The following TNC variants were observed in gnomAD, a reference collection of about 807,000 sequenced individuals.
TNC encodes tenascin.
TNC carries 109 observed loss-of-function variants against 202.4 expected under a neutral mutation model. The observed-to-expected ratio is 0.54, with a 90% CI of 0.46 to 0.63. The LOEUF (loss-of-function observed/expected upper bound fraction) is 0.63, where lower values mean the gene tolerates loss of function less well. Among genes scored for constraint, TNC ranks in the 30% least tolerant of loss-of-function variants. The pLI is 0.00. For missense variants in TNC, 2,756 were observed against 2,833.3 expected (o/e 0.97, Z 0.62); for synonymous variants, 1,007 against 1,089.7 (o/e 0.92, Z 1.50).
At chr9:115,105,087 C>T (rs1480509040) in intron 1 of TNC, among the ~76,000 whole-genome samples, 1 of 152,136 alleles carries the variant, frequency 6.6e-6, no homozygotes, top group Non-Finnish European at 1.5e-5. Context: ...CAGATGGAGC[C>T]ATTGACAATT....
Position 115,086,530 on chromosome 9 carries a change from C to A in TNC, c.1201G>T (p.Ala401Ser), listed in dbSNP as rs764428584. The A allele has an allele frequency of 6.2e-7, 1 of 1,613,976 alleles. No individual in the cohort carries two copies. Among genetic ancestry groups the A allele is most frequent in the Admixed American group, 1.7e-5 (1 of 60,018 alleles). ...RCECDDGFTGADCGELKCPNG... is the reference protein window; with the variant it reads ...RCECDDGFTGSDCGELKCPNG... ...GGACACTTGAGCTCCCCACAGTCAG[C>A]TCCAGTGAAACCATCATCACACTCA... Residue 401 changes from alanine (A) to serine (S), a missense_variant, in exon 3 of 28, where the codon GCT becomes TCT. Ala to Ser is a moderately conservative substitution (Grantham distance 99, BLOSUM62 1). This residue lies in a region of TNC where 2,559 missense variants were observed against 2,546.0 expected (regional missense o/e 1.01). Coordinates refer to ENST00000350763, the MANE Select transcript of TNC (RefSeq NM_002160.4).
At position 115,063,729 on chromosome 9, in the gene TNC, A is replaced by G. The variant is rs151015251; in HGVS notation, c.3760+67T>C. 2,031 of 1,519,444 alleles carry G rather than the reference A, an allele frequency of 1.3e-3. 9 individuals carry two copies. The highest frequency in any genetic ancestry group is 0.012 in the African/African-American group (878 of 72,916). 94.1% of individuals were successfully genotyped at this position (1,519,444 alleles called of 1,614,324 possible). On this transcript the variant is annotated intron_variant, in intron 12 of 27. Transcript: ENST00000350763. Reference sequence around the variant, plus strand: ...AGCTGATCCCAGTTTAAAGCAAGAAAGTGCTTTGATTCCTCCCGAGCAGAG... The same window carrying G: ...AGCTGATCCCAGTTTAAAGCAAGAAGGTGCTTTGATTCCTCCCGAGCAGAG...
At chr9:115,044,555 A>C (rs900338650) in intron 17 of TNC, among the ~76,000 whole-genome samples, 6 of 152,154 alleles carry the variant, frequency 3.9e-5, no homozygotes, top group Admixed American at 2.6e-4. Context: ...AATTCAATTC[A>C]TGATTATTCA....
chr9:115,064,156 T>C, intron 11 of TNC, 88 bp from the exon 12 acceptor site: 1 of 1,335,688 alleles, frequency 7.5e-7, no homozygotes, highest in Non-Finnish European at 1.0e-6. Context: ...TGAATAATAA[T>C]ATTACTGAAA....
In TNC at chr9:115,088,391, T is replaced by G. The variant is rs377555163; in HGVS notation, c.458-1118A>C. On this transcript the variant is annotated intron_variant, in intron 2 of 27. Coordinates refer to ENST00000350763, the MANE Select transcript of TNC (RefSeq NM_002160.4). Reference sequence around the variant, plus strand: ...AATTCTATAAGGACACCTTTCAGTTTGGCTCTGTCCCCAGAAAAGTATAGT... The same window carrying G: ...AATTCTATAAGGACACCTTTCAGTTGGGCTCTGTCCCCAGAAAAGTATAGT... Among the ~76,000 whole-genome samples, 8 of 152,234 alleles carry G rather than the reference T, an allele frequency of 5.3e-5. No homozygotes were observed. The East Asian group carries it at 1.3e-3, about 26-fold the overall frequency.
rs1832318378 is a variant in TNC at position 115,058,748 on chromosome 9, G to A, written c.4306+982C>T. 2.0e-5 allele frequency among the ~76,000 whole-genome samples: 3 copies of A among 152,184 alleles called. No homozygotes were observed. In the South Asian group the frequency reaches 6.2e-4, roughly 32 times the overall value. On this transcript the variant is annotated intron_variant, in intron 14 of 27. Transcript: ENST00000350763. ...TTGCAATAATTATTTAAAAAGGGGA[G>A]CAGTCATATGCAAAATGAAGCGATA...
At chr9:115,045,031 A>G (rs890415805) in intron 17 of TNC, among the ~76,000 whole-genome samples, 20 of 152,188 alleles carry the variant, frequency 1.3e-4, no homozygotes, top group African/African-American at 4.6e-4. Context: ...TTTAAATAGT[A>G]TTAGAATAAG....
chr9:115,062,899 G>T lies in TNC; in HGVS notation c.4033+18C>A. ...CTGGCTCCTATCATGTCTCCAGTCT[G>T]GGAGGAGGGTCATATACCTGTGACG... On this transcript the variant is annotated intron_variant, in intron 13 of 27. Transcript: ENST00000350763. 3 of 1,602,488 alleles carry T rather than the reference G, an allele frequency of 1.9e-6. No homozygotes were observed. Among genetic ancestry groups the T allele is most frequent in the Non-Finnish European group, 2.6e-6 (3 of 1,171,210 alleles).
chr9:115,104,687 C>G (rs545538831), intron 1 of TNC, among the ~76,000 whole-genome samples: 1 of 152,296 alleles, frequency 6.6e-6, no homozygotes, highest in African/African-American at 2.4e-5. Flanking sequence ...TATATCTTCT[C>G]CTCTTCTTTC....
At chr9:115,080,176 GT>G (rs1564108473) in intron 6 of TNC, among the ~76,000 whole-genome samples, 1 of 152,122 alleles carries the variant, frequency 6.6e-6, no homozygotes, top group Non-Finnish European at 1.5e-5. Flanking sequence ...ATGTTGGAAT[GT>G]TTGTTCTAAA....
intron 15 of TNC, among the ~76,000 whole-genome samples, chr9:115,055,012 G>A (rs1002210585): frequency 1.3e-5 from 2 of 152,156 alleles, no homozygotes; most frequent in Non-Finnish European, 2.9e-5. Flanking sequence ...CATGCTCAGG[G>A]CACCTTTATT....
intron 12 of TNC, 69 bp from the exon 13 acceptor site, chr9:115,063,258 G>T (rs1832692755): frequency 1.3e-5 from 21 of 1,556,498 alleles, no homozygotes; most frequent in Non-Finnish European, 1.8e-5. Context: ...AGGTGAGATG[G>T]CATTTTGGCT....
At chr9:115,066,271 T>C (rs1832945003) in intron 10 of TNC, among the ~76,000 whole-genome samples, 1 of 152,188 alleles carries the variant, frequency 6.6e-6, no homozygotes, top group Non-Finnish European at 1.5e-5. Flanking sequence ...AGGGCTGAGC[T>C]TAAGTGGACT....
chr9:115,076,816 G>T (rs1037235043), intron 7 of TNC, among the ~76,000 whole-genome samples: 3 of 152,188 alleles, frequency 2.0e-5, no homozygotes, highest in Admixed American at 6.5e-5. Flanking sequence ...CAGACTTTGT[G>T]GTTAAAGAAA....
At chr9:115,085,822 C>G in intron 3 of TNC, 42 bp downstream of exon 3, 5 of 1,546,082 alleles carry the variant, frequency 3.2e-6, no homozygotes, top group Non-Finnish European at 4.4e-6. Context: ...GGAGTCCACT[C>G]CATCATGGCC....
At chr9:115,041,722 G>A (rs1830771732) in intron 18 of TNC, among the ~76,000 whole-genome samples, 2 of 152,186 alleles carry the variant, frequency 1.3e-5, no homozygotes, top group African/African-American at 4.8e-5. Context: ...CTGCCAGAGT[G>A]TCTTTAGGCA....
Position 115,028,924 on chromosome 9 carries a change from GAAAAAAAAAAAAAAAAAAA to G in TNC, c.6169+417_6169+435del, listed in dbSNP as rs57737243. 1.2e-3 allele frequency among the ~76,000 whole-genome samples: 77 copies of G among 63,968 alleles called. 1 individual carries two copies. The highest frequency in any genetic ancestry group is 3.8e-3 in the African/African-American group (59 of 15,678). The allele number at this position is 63,968 out of a possible 152,430, so 42.0% of individuals were successfully genotyped here. ...TACTAAAGCTCTCAACATTATCTCT[GAAAAAAAAAAAAAAAAAAA>G]AAAAAAAAAAAAAAAAAAAGAAAGT... On this transcript the variant is annotated intron_variant, in intron 25 of 27. Transcript: ENST00000350763.
chr9:115,023,428 G>T (rs1829238671), intron 27 of TNC, among the ~76,000 whole-genome samples: 1 of 152,248 alleles, frequency 6.6e-6, no homozygotes, highest in Non-Finnish European at 1.5e-5. Flanking sequence ...TGTGATTGTA[G>T]AAGTGCTAGA....
At position 115,086,027 on chromosome 9, in the gene TNC, A is replaced by G. The variant is rs959537925; in HGVS notation, c.1704T>C (p.His568=). ...GGCCGTCCACGCAGCGGCCCTGGCC[A>G]TGACAGTCACTGGGACATCTTTGCT... is the stretch of plus-strand genomic sequence containing the variant. ...CKEQRCPSDC[H]GQGRCVDGQC... Residue 568 remains histidine (H), a synonymous_variant, in exon 3 of 28, where the codon CAT becomes CAC. Transcript: ENST00000350763. The G allele has an allele frequency of 1.9e-6, 3 of 1,614,028 alleles. No individual in the cohort carries two copies. The highest frequency in any genetic ancestry group is 1.1e-5 in the South Asian group (1 of 91,058).
Sources: gnomAD v4.1 joint callset for allele counts (sites outside exome capture counted in the v4.1 genomes callset) on GRCh38, gnomAD v4.1.1 for gene constraint, gnomAD v4.1.1 regional missense constraint, MANE v1.5 for transcripts, NCBI Gene and HGNC (gene_info 2026-07-23, HGNC 2026-07-21) for gene names.